The following TBC1D22A variants were observed in gnomAD, a reference collection of about 807,000 sequenced individuals.
TBC1D22A encodes the protein putative GTPase activator.
Under a neutral mutation model 60.2 loss-of-function variants are expected in TBC1D22A, and 38 were observed. That is an observed-to-expected ratio of 0.63 (90% CI 0.49 to 0.83). The LOEUF (loss-of-function observed/expected upper bound fraction) is 0.83. Among genes scored for constraint, TBC1D22A ranks in the 40% least tolerant of loss-of-function variants. The pLI is 0.00. For missense variants in TBC1D22A, 628 were observed against 701.0 expected, an observed-to-expected ratio of 0.90 and a Z score of 1.18; for synonymous variants, 302 against 281.7, an observed-to-expected ratio of 1.07 and a Z score of -0.72.
chr22:47,153,494 G>A (rs2067586290), intron 12 of TBC1D22A, among the ~76,000 whole-genome samples: 1 of 152,092 alleles, frequency 6.6e-6, no homozygotes. Flanking sequence ...AGGCAGAAAG[G>A]CGTGAGAGAA....
At chr22:46,874,562 C>CTTTTTTTTTTTTT (rs747481407) in intron 4 of TBC1D22A, among the ~76,000 whole-genome samples, 2 of 40,778 alleles carry the variant, frequency 4.9e-5, no homozygotes, top group African/African-American at 1.0e-4. Flanking sequence ...ACAGGTATGT[C>CTTTTTTTTTTTTT]TTTTTTTTTT....
intron 4 of TBC1D22A, among the ~76,000 whole-genome samples, chr22:46,852,679 T>C (rs890493531): frequency 1.3e-5 from 2 of 152,142 alleles, no homozygotes; most frequent in Non-Finnish European, 2.9e-5. Context: ...TGCCCAGCCT[T>C]TTCCTCACAT....
intron 9 of TBC1D22A, among the ~76,000 whole-genome samples, chr22:46,997,304 G>C (rs976533975): frequency 1.3e-5 from 2 of 152,220 alleles, no homozygotes; most frequent in African/African-American, 4.8e-5. Context: ...GACGGTTCTG[G>C]TCAATGAGCT....
At chr22:46,853,061 G>A (rs2087369952) in intron 4 of TBC1D22A, among the ~76,000 whole-genome samples, 1 of 152,192 alleles carries the variant, frequency 6.6e-6, no homozygotes, top group Non-Finnish European at 1.5e-5. Context: ...GGGACACTTT[G>A]GAGGCCTTTT....
intron 11 of TBC1D22A, among the ~76,000 whole-genome samples, chr22:47,076,403 AC>A (rs2064229094): frequency 8.8e-6 from 1 of 113,308 alleles, no homozygotes; most frequent in Admixed American, 1.1e-4. Context: ...ACACACACAC[AC>A]ACACATATAT....
rs1019861594 is a variant in TBC1D22A, at chr22:46,857,194, A to G, written c.638-21459A>G. 3.3e-5 allele frequency among the ~76,000 whole-genome samples: 5 copies of G among 152,374 alleles called. No homozygotes were observed. In the South Asian group the frequency reaches 1.0e-3, roughly 32 times the overall value. Reference sequence around the variant, plus strand: ...ACAGAACAACACAACCACTTACATCAGTCCTTTGTGTGGATTTCTTGTTAG... The same window carrying G: ...ACAGAACAACACAACCACTTACATCGGTCCTTTGTGTGGATTTCTTGTTAG... On this transcript the variant is annotated intron_variant, in intron 4 of 12. Transcript: ENST00000337137.
intron 12 of TBC1D22A, among the ~76,000 whole-genome samples, chr22:47,119,867 C>T (rs1475452241): frequency 4.6e-5 from 7 of 152,160 alleles, no homozygotes; most frequent in Non-Finnish European, 8.8e-5. Context: ...AAGATCAAGG[C>T]GTCGGCCTCT....
chr22:47,158,361 C>A (rs746395573), intron 12 of TBC1D22A, among the ~76,000 whole-genome samples: 1 of 152,178 alleles, frequency 6.6e-6, no homozygotes, highest in Non-Finnish European at 1.5e-5. Flanking sequence ...CACTGTCATT[C>A]GTCTTGGATG....
intron 12 of TBC1D22A, among the ~76,000 whole-genome samples, chr22:47,112,670 G>T (rs1186428680): frequency 6.6e-6 from 1 of 152,206 alleles, no homozygotes; most frequent in Non-Finnish European, 1.5e-5. Flanking sequence ...AACCCAGCCC[G>T]GGTGTTCGCA....
chr22:47,003,303 G>A (rs1368293697), intron 10 of TBC1D22A, among the ~76,000 whole-genome samples: 1 of 151,964 alleles, frequency 6.6e-6, no homozygotes, highest in Non-Finnish European at 1.5e-5. Context: ...TGAGCTCTAG[G>A]TTACCCTTTG....
intron 4 of TBC1D22A, among the ~76,000 whole-genome samples, chr22:46,820,079 T>A (rs946761078): frequency 1.3e-4 from 20 of 152,240 alleles, no homozygotes; most frequent in Non-Finnish European, 1.2e-4. Context: ...GGGTCAGTGG[T>A]GATATCTCCT....
At chr22:47,081,513 A>G (rs1196692122) in intron 11 of TBC1D22A, among the ~76,000 whole-genome samples, 1 of 152,350 alleles carries the variant, frequency 6.6e-6, no homozygotes, top group East Asian at 1.9e-4. Flanking sequence ...ACGAAAGTGA[A>G]ATAAAAGACA....
At chr22:46,813,002 G>A (rs1441811609) in intron 4 of TBC1D22A, among the ~76,000 whole-genome samples, 1 of 152,030 alleles carries the variant, frequency 6.6e-6, no homozygotes, top group Admixed American at 6.5e-5. Context: ...TGATTTATGC[G>A]GCCGCTGCTG....
At position 47,009,060 on chromosome 22, in the gene TBC1D22A, A is replaced by C. The variant is rs1221762771; in HGVS notation, c.1201+11351A>C. Among the ~76,000 whole-genome samples the C allele has an allele frequency of 6.6e-6, 1 of 152,178 alleles. No homozygotes were observed. The highest frequency in any genetic ancestry group is 1.9e-4 in the East Asian group (1 of 5,188). ...GTGGAGTAACAGCTTGGAGTTTGGAAGCTGGCAGAATTGGGTTGACTTTCT... is the reference window on the plus strand; with the variant it reads ...GTGGAGTAACAGCTTGGAGTTTGGACGCTGGCAGAATTGGGTTGACTTTCT... On this transcript the variant is annotated intron_variant, in intron 10 of 12. Transcript: ENST00000337137. This position sits in a 1 kb window ranked among gnomAD's most constrained non-coding sequence, Gnocchi z 5.8.
chr22:46,862,762 A>T (rs1167595326), intron 4 of TBC1D22A, among the ~76,000 whole-genome samples: 2 of 152,024 alleles, frequency 1.3e-5, no homozygotes, highest in Admixed American at 1.3e-4. Flanking sequence ...GGCAGGGCAG[A>T]GGCCCCACCC....
At chr22:47,001,842 C>T (rs1569322538) in intron 10 of TBC1D22A, among the ~76,000 whole-genome samples, 1 of 152,114 alleles carries the variant, frequency 6.6e-6, no homozygotes, top group Non-Finnish European at 1.5e-5. Flanking sequence ...AAATATAAGT[C>T]TTAAAGTTTA....
In TBC1D22A at chr22:47,168,151, G is replaced by C. The variant is rs1220003549; in HGVS notation, c.1426-5347G>C. 2.0e-5 allele frequency among the ~76,000 whole-genome samples: 3 copies of C among 152,220 alleles called. No individual in the cohort carries two copies. The East Asian group carries it at 5.8e-4, about 29-fold the overall frequency. On this transcript the variant is annotated intron_variant, in intron 12 of 12. Transcript: ENST00000337137. ...TTCACTGCCCAGCAAAGTGCTGTGG[G>C]CTCAGTTTTGGGGATATAGGGACAC...
At chr22:47,074,928 A>G (rs878861824) in intron 11 of TBC1D22A, among the ~76,000 whole-genome samples, 3 of 152,172 alleles carry the variant, frequency 2.0e-5, no homozygotes, top group Admixed American at 2.0e-4. Context: ...AAGGGGTGTA[A>G]TAGAGAACCA....
intron 4 of TBC1D22A, among the ~76,000 whole-genome samples, chr22:46,839,934 A>G (rs1224891296): frequency 1.3e-5 from 2 of 152,242 alleles, no homozygotes; most frequent in Non-Finnish European, 2.9e-5. Flanking sequence ...CACGGCATAT[A>G]CAAAAGTCAA....
Sources: gnomAD v4.1 joint callset for allele counts (sites outside exome capture counted in the v4.1 genomes callset) on GRCh38, gnomAD v4.1.1 for gene constraint, Gnocchi (gnomAD v3.1) non-coding constraint, MANE v1.5 for transcripts, NCBI Gene and HGNC (gene_info 2026-07-23, HGNC 2026-07-21) for gene names.